CALD1: variants seen among roughly 807,000 people sequenced by gnomAD.
CALD1 encodes the protein caldesmon 1, also known as caldesmon.
A neutral mutation model predicts 99.9 loss-of-function variants in CALD1; 33 were observed. That is an observed-to-expected ratio of 0.33 (90% CI 0.25 to 0.44). The LOEUF (loss-of-function observed/expected upper bound fraction) is 0.44, where lower values mean the gene tolerates loss of function less well. CALD1 is among the 20% of genes least tolerant of loss of function. CALD1 has a pLI of 1.00. For missense variants in CALD1, 861 were observed against 962.1 expected (o/e 0.89, Z 1.39); for synonymous variants, 310 against 325.0 (o/e 0.95, Z 0.50).
intron 1 of CALD1, among the ~76,000 whole-genome samples, chr7:134,747,576 T>C (rs1796646219): frequency 6.6e-6 from 1 of 152,178 alleles, no homozygotes; most frequent in Non-Finnish European, 1.5e-5. Context: ...CCATCATAGG[T>C]CCTGGAGTGC....
chr7:134,723,039 A>C, the CALD1 span, among the ~76,000 whole-genome samples: 1 of 152,100 alleles, frequency 6.6e-6, no homozygotes, highest in Non-Finnish European at 1.5e-5. Context: ...CAGCCAAGGG[A>C]AGCACTAACA....
chr7:134,780,069 C>T (rs1040457179), intron 1 of CALD1, among the ~76,000 whole-genome samples: 1 of 152,172 alleles, frequency 6.6e-6, no homozygotes, highest in Admixed American at 6.5e-5. Flanking sequence ...TACCTGATAT[C>T]CAAAGGCCAG....
rs190030556 is a variant in CALD1, at chr7:134,745,568, A to G, written c.-130+1205A>G. 3.9e-5 allele frequency: 6 copies of G among 152,348 alleles called. No individual in the cohort carries two copies. The East Asian group carries it at 1.2e-3, about 29-fold the overall frequency. 9.4% of individuals were successfully genotyped at this position (152,348 alleles called of 1,614,324 possible). ...TTGGGAGCTGAGAGTTAAGCTGAAC[A>G]AAAGGTAACTATTTTAAATCAAAAC... On this transcript the variant is annotated intron_variant, in intron 1 of 13. Coordinates refer to the CALD1 transcript ENST00000417172.
chr7:134,792,589 G>A (rs905637079), intron 1 of CALD1, among the ~76,000 whole-genome samples: 2 of 151,956 alleles, frequency 1.3e-5, no homozygotes, highest in East Asian at 3.9e-4. Context: ...ACTGAGCCTA[G>A]CCTCCTCTTC....
chr7:134,756,724 A>G (rs1310620938), intron 1 of CALD1, among the ~76,000 whole-genome samples: 1 of 152,216 alleles, frequency 6.6e-6, no homozygotes, highest in Non-Finnish European at 1.5e-5. Context: ...GAATATTATT[A>G]TGACTTGAAA....
chr7:134,826,233 T>G (rs1039977373), intron 1 of CALD1, among the ~76,000 whole-genome samples: 8 of 152,182 alleles, frequency 5.3e-5, no homozygotes, highest in Non-Finnish European at 1.5e-5. Context: ...TCAACATTCC[T>G]GCTTTCTCCC....
intron 3 of CALD1, among the ~76,000 whole-genome samples, chr7:134,878,657 T>C (rs1320220696): frequency 6.6e-6 from 1 of 151,962 alleles, no homozygotes; most frequent in Admixed American, 6.6e-5. Context: ...AGAATTCTCA[T>C]CAAAATAAAA....
intron 1 of CALD1, among the ~76,000 whole-genome samples, chr7:134,759,481 G>C (rs1796758461): frequency 6.6e-6 from 1 of 152,206 alleles, no homozygotes; most frequent in South Asian, 2.1e-4. Context: ...TCAAGGCAGA[G>C]AGAACAGCAT....
At chr7:134,833,795 C>G (rs1192135160) in intron 1 of CALD1, among the ~76,000 whole-genome samples, 3 of 152,186 alleles carry the variant, frequency 2.0e-5, no homozygotes, top group Non-Finnish European at 2.9e-5. Flanking sequence ...CTTTCTCCAT[C>G]TCTGCTGTCT....
At chr7:134,791,303 T>C (rs1797523498) in intron 1 of CALD1, among the ~76,000 whole-genome samples, 1 of 152,224 alleles carries the variant, frequency 6.6e-6, no homozygotes, top group South Asian at 2.1e-4. Flanking sequence ...TTCAAGCGAT[T>C]CTTTCACCTC....
In CALD1 at chr7:134,947,659, G is replaced by T; in HGVS notation, c.1684G>T (p.Ala562Ser). 6.3e-7 allele frequency: 1 copy of T among 1,588,172 alleles called. No homozygotes were observed. Among genetic ancestry groups the T allele is most frequent in the South Asian group, 1.1e-5 (1 of 88,086 alleles). ...GCTCAAACAGAAGCAGCAGGAGGCG[G>T]CTTTGGAGCTGGAGGAACTCAAGAA... ...EKLKQKQQEA[A>S]LELEELKKKR... Residue 562 changes from alanine to serine, a missense_variant, in exon 8 of 15, where the codon GCT becomes TCT. Around this residue, in one of 5 missense-constraint regions of CALD1, gnomAD observed 293 missense variants for 262.7 expected, o/e 1.12. Transcript: ENST00000361675.
chr7:134,733,981 C>T, the CALD1 span, among the ~76,000 whole-genome samples: 1 of 151,020 alleles, frequency 6.6e-6, no homozygotes, highest in Non-Finnish European at 1.5e-5. Context: ...ATAAAATATA[C>T]ATAGCATATA....
chr7:134,885,994 T>TA (rs1486787368), intron 3 of CALD1, among the ~76,000 whole-genome samples: 3 of 152,164 alleles, frequency 2.0e-5, no homozygotes, highest in Non-Finnish European at 2.9e-5. Context: ...AGAAAGGAGT[T>TA]AGAGGCATGA....
intron 1 of CALD1, among the ~76,000 whole-genome samples, chr7:134,766,631 C>A (rs1474876961): frequency 2.0e-5 from 3 of 152,312 alleles, no homozygotes; most frequent in Admixed American, 6.5e-5. Flanking sequence ...TTAATTCTTA[C>A]TTCTGTCCTG....
At chr7:134,764,088 G>C (rs1025563751) in intron 1 of CALD1, among the ~76,000 whole-genome samples, 5 of 152,132 alleles carry the variant, frequency 3.3e-5, no homozygotes, top group African/African-American at 9.7e-5. Flanking sequence ...TACAAGGGTA[G>C]TTCTGTGTGT....
intron 3 of CALD1, among the ~76,000 whole-genome samples, chr7:134,922,520 G>T (rs371869092): frequency 6.6e-6 from 1 of 152,178 alleles, no homozygotes; most frequent in Non-Finnish European, 1.5e-5. Context: ...CAAACAAGAC[G>T]ACCTATACTA....
chr7:134,895,710 T>C (rs1377209214), intron 3 of CALD1, among the ~76,000 whole-genome samples: 3 of 152,192 alleles, frequency 2.0e-5, no homozygotes, highest in African/African-American at 7.2e-5. Flanking sequence ...AATGGGCACT[T>C]ACATTTTGTG....
At chr7:134,749,453 C>T (rs1203025372) in intron 1 of CALD1, among the ~76,000 whole-genome samples, 4 of 152,146 alleles carry the variant, frequency 2.6e-5, no homozygotes, top group African/African-American at 9.7e-5. Context: ...AACCCCATCT[C>T]TACTAAAAAT....
intron 3 of CALD1, among the ~76,000 whole-genome samples, chr7:134,879,636 T>C (rs1376939664): frequency 6.6e-6 from 1 of 152,260 alleles, no homozygotes; most frequent in African/African-American, 2.4e-5. Context: ...TTGTTAATTA[T>C]AAATCATTTG....
Sources: allele counts gnomAD v4.1 joint callset (sites outside exome capture counted in the v4.1 genomes callset), GRCh38; gene constraint gnomAD v4.1.1; regional missense constraint gnomAD v4.1.1; transcripts MANE v1.5; gene names NCBI Gene and HGNC (gene_info 2026-07-23, HGNC 2026-07-21).